IDH3G: variants seen among roughly 807,000 people sequenced by gnomAD.
IDH3G encodes isocitrate dehydrogenase (NAD(+)) 3 non-catalytic subunit gamma.
In IDH3G, 9 loss-of-function variants were observed where a neutral mutation model predicts 26.9. The ratio of observed to expected loss-of-function variants is 0.34; its 90% CI spans 0.20 to 0.58. The LOEUF is 0.58. Among genes scored for constraint, IDH3G ranks in the 20% least tolerant of loss-of-function variants. The pLI, the probability that IDH3G is intolerant of heterozygous loss-of-function variation, is 0.85. For synonymous variants in IDH3G, 181 were observed against 160.0 expected (o/e 1.13, Z -0.99); for missense variants, 250 against 372.8 (o/e 0.67, Z 2.71).
rs782310754 is a variant in IDH3G, at chrX:153,786,816, G to A, written c.909C>T (p.Tyr303=). 3.6e-5 allele frequency: 43 copies of A among 1,208,049 alleles called. No individual in the cohort carries two copies. Among genetic ancestry groups the A allele is most frequent in the Non-Finnish European group, 4.4e-5 (39 of 893,231 alleles). ...LVAGANYGHV[Y]AVFETATRNT... ...CGGCACTCACTGTTTCAAACACCGC[G>A]TACACATGGCCATAGTTGGCCCCAG... Residue 303 remains tyrosine (Y), a synonymous_variant, in exon 10 of 13, where the codon TAC becomes TAT. Transcript: ENST00000217901.
At chrX:153,786,177 C>A (rs1452445424) in intron 12 of IDH3G, 35 bp downstream of exon 12, 1 of 1,206,354 alleles carries the variant, frequency 8.3e-7, no homozygotes, top group Admixed American at 2.2e-5. Context: ...GGAGACTGGG[C>A]GGGGCAGCAG....
intron 5 of IDH3G, chrX:153,789,307 A>G (rs2050370204): frequency 3.3e-6 from 1 of 305,243 alleles, no homozygotes; most frequent in African/African-American, 2.7e-5. Context: ...ACACTTTGAG[A>G]GGCTGAGGCG....
chrX:153,786,527 A>G (rs2092088747), intron 10 of IDH3G, 78 bp from the exon 11 acceptor site: 2 of 818,642 alleles, frequency 2.4e-6, no homozygotes, highest in Non-Finnish European at 3.5e-6. Context: ...TGACACGTCC[A>G]GAAGAAGCCA....
At chrX:153,791,485 G>A (rs960476637) in intron 1 of IDH3G, among the ~76,000 whole-genome samples, 3 of 112,540 alleles carry the variant, frequency 2.7e-5, no homozygotes, top group Admixed American at 9.3e-5. Flanking sequence ...CTCTAGGAAG[G>A]CCTTCGGAAA....
chrX:153,794,043 A>T lies in IDH3G; in HGVS notation c.81+203T>A, dbSNP rs782802475. On this transcript the variant is annotated intron_variant, in intron 1 of 12. Coordinates refer to ENST00000217901, the MANE Select transcript of IDH3G (RefSeq NM_004135.4). ...GAGGGCCCCCCGCCACCCGATGCAG[A>T]CCCCCTGGGGGAGCCGGTCCAGGGC... 283 of 408,657 alleles carry T rather than the reference A, an allele frequency of 6.9e-4. 3 individuals are homozygous for T. Among genetic ancestry groups the T allele is most frequent in the African/African-American group, 6.4e-3 (245 of 38,190 alleles). 33.7% of individuals were successfully genotyped at this position (408,657 alleles called of 1,213,427 possible).
At chrX:153,788,493 G>A (rs1239849450) in intron 5 of IDH3G, among the ~76,000 whole-genome samples, 1 of 113,053 alleles carries the variant, frequency 8.8e-6, no homozygotes, top group Non-Finnish European at 1.9e-5. Flanking sequence ...GAGCTAGCAA[G>A]GTGGCCTTGG....
chrX:153,787,718 T>G, intron 7 of IDH3G, 105 bp downstream of exon 7: 2 of 1,130,445 alleles, frequency 1.8e-6, no homozygotes, highest in Non-Finnish European at 2.4e-6. Context: ...GGCTTCTCCC[T>G]CGGGCACAGC....
chrX:153,787,794 G>A, intron 7 of IDH3G, 29 bp downstream of exon 7: 1 of 1,195,846 alleles, frequency 8.4e-7, no homozygotes, highest in Non-Finnish European at 1.1e-6. Context: ...TGACGCTGGG[G>A]GGGCTCATCT....
chrX:153,786,168 G>T, intron 12 of IDH3G, 44 bp downstream of exon 12: 1 of 1,206,254 alleles, frequency 8.3e-7, no homozygotes, highest in Non-Finnish European at 1.1e-6. Flanking sequence ...GCTGCAGGGG[G>T]AGACTGGGCG....
At chrX:153,789,586 C>G in intron 5 of IDH3G, 126 bp downstream of exon 5, 2 of 485,224 alleles carry the variant, frequency 4.1e-6, no homozygotes, top group Non-Finnish European at 3.6e-6. Flanking sequence ...AAAAAGCAAG[C>G]AAGCAAGAAA....
At chrX:153,789,274 G>A in intron 5 of IDH3G, 1 of 325,990 alleles carries the variant, frequency 3.1e-6, no homozygotes, top group South Asian at 2.8e-5. Context: ...GGCTGGGCAC[G>A]ACGGCTCACG....
chrX:153,789,492 C>G (rs782559985), intron 5 of IDH3G, among the ~76,000 whole-genome samples: 2 of 112,030 alleles, frequency 1.8e-5, no homozygotes, highest in African/African-American at 3.2e-5. Context: ...TGCACTGAGC[C>G]GAGATCACAC....
At chrX:153,793,983 G>A (rs2092121355) in intron 1 of IDH3G, 3 of 309,775 alleles carry the variant, frequency 9.7e-6, no homozygotes, top group Non-Finnish European at 1.7e-5. Flanking sequence ...CTAAGGAGGT[G>A]ACAGCCGCCG....
Position 153,787,796 on chromosome X carries a change from G to C in IDH3G, c.540+27C>G, listed in dbSNP as rs200381706. On this transcript the variant is annotated intron_variant, in intron 7 of 12. Transcript: ENST00000217901. ...CTCCCCTTAATCTTGACGCTGGGGGGGCTCATCTCGGGCCCCCCATGCACA... is the reference window on the plus strand; with the variant it reads ...CTCCCCTTAATCTTGACGCTGGGGGCGCTCATCTCGGGCCCCCCATGCACA... 18 of 1,194,219 alleles carry C rather than the reference G, an allele frequency of 1.5e-5. No homozygotes were observed. In the Admixed American group the frequency reaches 2.0e-4, roughly 13 times the overall value.
intron 1 of IDH3G, chrX:153,793,463 T>C (rs1386348075): frequency 1.8e-5 from 2 of 111,256 alleles, no homozygotes; most frequent in Non-Finnish European, 3.8e-5. Context: ...TCTCCTCCCC[T>C]CTGGGTTCCA....
At chrX:153,789,594 A>G in intron 5 of IDH3G, 118 bp downstream of exon 5, 2 of 493,689 alleles carry the variant, frequency 4.1e-6, no homozygotes, top group Non-Finnish European at 7.0e-6. Flanking sequence ...AGCAAGCAAG[A>G]AAGCAGGAAA....
intron 1 of IDH3G, chrX:153,791,229 A>G (rs1344196755): frequency 5.1e-6 from 1 of 196,037 alleles, no homozygotes; most frequent in Non-Finnish European, 9.4e-6. Flanking sequence ...AATCATTACA[A>G]CAAACCACAG....
At chrX:153,790,747 C>T (rs1310944975) in intron 2 of IDH3G, 63 bp downstream of exon 2, 2 of 1,136,573 alleles carry the variant, frequency 1.8e-6, no homozygotes, top group Non-Finnish European at 1.2e-6. Flanking sequence ...AGGCCGTGCA[C>T]ACACGCGCAC....
intron 1 of IDH3G, chrX:153,791,161 C>T (rs1436966716): frequency 6.7e-6 from 2 of 300,374 alleles, no homozygotes; most frequent in Non-Finnish European, 1.2e-5. Flanking sequence ...CAGTTATTCC[C>T]GCTCAGCGAT....
Sources: gnomAD v4.1 joint callset for allele counts (sites outside exome capture counted in the v4.1 genomes callset) on GRCh38, gnomAD v4.1.1 for gene constraint, MANE v1.5 for transcripts, NCBI Gene and HGNC (gene_info 2026-07-23, HGNC 2026-07-21) for gene names.